The following MMS19 variants were observed in gnomAD, a reference collection of about 807,000 sequenced individuals.
The protein encoded by MMS19 is MMS19 nucleotide excision repair protein homolog.
MMS19 carries 77 observed loss-of-function variants against 129.8 expected under a neutral mutation model. That is an observed-to-expected ratio of 0.59 (90% CI 0.49 to 0.72). MMS19 has a LOEUF of 0.72. Among genes scored for constraint, MMS19 ranks in the 30% least tolerant of loss-of-function variants. The probability of loss-of-function intolerance (pLI) is 0.00; values close to 1 mark genes in which losing one functional copy is unlikely to be tolerated. For missense variants in MMS19, 1,168 were observed against 1,266.3 expected, an observed-to-expected ratio of 0.92 and a Z score of 1.18; for synonymous variants, 491 against 502.8, an observed-to-expected ratio of 0.98 and a Z score of 0.31.
chr10:97,473,000 G>C (rs1277337090), intron 8 of MMS19, among the ~76,000 whole-genome samples: 1 of 151,988 alleles, frequency 6.6e-6, no homozygotes, highest in East Asian at 1.9e-4. Flanking sequence ...TGGGACTGCA[G>C]ACATGTGCAA....
intron 8 of MMS19, among the ~76,000 whole-genome samples, chr10:97,475,333 A>C (rs1294731636): frequency 6.6e-6 from 1 of 152,186 alleles, no homozygotes; most frequent in African/African-American, 2.4e-5. Context: ...CATAACTGAT[A>C]ACTTGGTTGA....
At chr10:97,459,807 C>A in intron 26 of MMS19, 66 bp from the exon 27 acceptor site, 1 of 1,317,436 alleles carries the variant, frequency 7.6e-7, no homozygotes, top group Non-Finnish European at 1.1e-6. Flanking sequence ...AAATCAATTC[C>A]AATCTGTGGT....
chr10:97,458,350 G>A lies in MMS19; in HGVS notation c.*342C>T, dbSNP rs2030428979. 2.1e-5 allele frequency: 5 copies of A among 237,148 alleles called. No homozygotes were observed. Among genetic ancestry groups the A allele is most frequent in the Non-Finnish European group, 4.0e-5 (5 of 123,722 alleles). 14.7% of individuals were successfully genotyped at this position (237,148 alleles called of 1,614,324 possible). A position where few individuals can be genotyped will look rare whatever the true frequency, so the allele number is the denominator to read the frequency against. On this transcript the variant is annotated 3_prime_UTR_variant, in exon 31 of 31. Transcript: ENST00000438925. Reference sequence around the variant, plus strand: ...TACCAAAAGAAATCTTTATTCTTCAGCAGGTAGACAACATCTGCCAGCCCT... The same window carrying A: ...TACCAAAAGAAATCTTTATTCTTCAACAGGTAGACAACATCTGCCAGCCCT...
At chr10:97,459,589 C>T in intron 27 of MMS19, 63 bp from the exon 28 acceptor site, 1 of 1,600,696 alleles carries the variant, frequency 6.2e-7, no homozygotes. Flanking sequence ...CTTGTTCCCT[C>T]CCCTTTCTAG....
intron 2 of MMS19, 102 bp downstream of exon 2, chr10:97,484,001 C>T: frequency 1.3e-6 from 1 of 741,446 alleles, no homozygotes; most frequent in East Asian, 2.7e-5. Flanking sequence ...TGCTGGGCTA[C>T]AAGACAAATT....
intron 1 of MMS19, among the ~76,000 whole-genome samples, chr10:97,496,407 G>C (rs942174535): frequency 6.6e-6 from 1 of 151,478 alleles, no homozygotes; most frequent in Non-Finnish European, 1.5e-5. Context: ...CAGCTACTTC[G>C]GGAGGCTTGA....
intron 16 of MMS19, among the ~76,000 whole-genome samples, 162 bp downstream of exon 16, chr10:97,466,342 A>C (rs887005223): frequency 1.9e-4 from 29 of 152,228 alleles, no homozygotes; most frequent in African/African-American, 6.5e-4. Context: ...GAGCAGTCCT[A>C]CATCTCTCCA....
At position 97,459,542 on chromosome 10, in the gene MMS19, C is replaced by G. The variant is rs1044307012; in HGVS notation, c.2740-16G>C. On this transcript the variant is annotated splice_polypyrimidine_tract_variant and intron_variant, in intron 27 of 30. Coordinates refer to ENST00000438925, the MANE Select transcript of MMS19 (RefSeq NM_022362.5). ...AGGAAAGAAGCTAAGGGGCAATGGG[C>G]AAGGTAGGGGATGGCCACATCATGA... is the stretch of plus-strand genomic sequence containing the variant. 1 of 1,610,350 alleles carries G rather than the reference C, an allele frequency of 6.2e-7. No individual in the cohort carries two copies. The highest frequency in any genetic ancestry group is 8.5e-7 in the Non-Finnish European group (1 of 1,177,364).
In MMS19 at chr10:97,458,599, G is replaced by GA; in HGVS notation, c.*92dup. The stretch of plus-strand genomic sequence containing the variant: ...GCTGTGTCTGTGGGAAAGGCAGTCA[G>GA]AGACCAGTGGTTTCCCTGCTTTGGG... On this transcript the variant is annotated 3_prime_UTR_variant, in exon 31 of 31. Transcript: ENST00000438925. 1 of 1,318,070 alleles carries GA rather than the reference G, an allele frequency of 7.6e-7. No homozygotes were observed. Among genetic ancestry groups the GA allele is most frequent in the Non-Finnish European group, 1.0e-6 (1 of 957,838 alleles). 81.6% of individuals were successfully genotyped at this position (1,318,070 alleles called of 1,614,324 possible). A position where few individuals can be genotyped will look rare whatever the true frequency, so the allele number is the denominator to read the frequency against.
At position 97,489,141 on chromosome 10, in the gene MMS19, T is replaced by G. The variant is rs1322956341; in HGVS notation, c.113-4990A>C. 2.0e-5 allele frequency among the ~76,000 whole-genome samples: 3 copies of G among 152,124 alleles called. No individual in the cohort carries two copies. The East Asian group carries it at 5.8e-4, about 29-fold the overall frequency. On this transcript the variant is annotated intron_variant, in intron 1 of 30. Coordinates refer to ENST00000438925, the MANE Select transcript of MMS19 (RefSeq NM_022362.5). Reference sequence around the variant, plus strand: ...CAGACATGAGCCAACACACCGGGCCTGTAGCTACTTTTAAAAAGACAAATG... The same window carrying G: ...CAGACATGAGCCAACACACCGGGCCGGTAGCTACTTTTAAAAAGACAAATG...
rs568198289 is a variant in MMS19, at chr10:97,472,614, T to G, written c.685-1753A>C. On this transcript the variant is annotated intron_variant, in intron 8 of 30. Transcript: ENST00000438925. ...AATTTCCATTTTTTTTTTGTTTTTG[T>G]TTTTGGTTTTTTGGTGACTGAGTCT... 3.9e-5 allele frequency among the ~76,000 whole-genome samples: 6 copies of G among 151,922 alleles called. No individual in the cohort carries two copies. In the East Asian group the frequency reaches 5.8e-4, roughly 15 times the overall value.
chr10:97,461,001 T>C lies in MMS19; in HGVS notation c.2318A>G (p.Gln773Arg). The C allele has an allele frequency of 6.4e-7, 1 of 1,557,700 alleles. No individual in the cohort carries two copies. Among genetic ancestry groups the C allele is most frequent in the East Asian group, 2.4e-5 (1 of 41,592 alleles). ...GLLNKHPAGQ[Q>R]LDEFLQLAVD... ...AGCTAGCTGTAGGAATTCATCCAGC[T>C]GCTGCCCTAAAAAGGAGAGAGGAAA... The change falls in exon 24 of 31, where the codon CAG becomes CGG. Residue 773 changes from glutamine to arginine, a missense_variant. By Grantham distance (43) the Gln-to-Arg change is conservative. Coordinates refer to ENST00000438925, the MANE Select transcript of MMS19 (RefSeq NM_022362.5).
intron 1 of MMS19, among the ~76,000 whole-genome samples, chr10:97,493,402 C>T (rs2039268656): frequency 6.6e-6 from 1 of 152,072 alleles, no homozygotes. Context: ...CAAAACAAGG[C>T]CCTGTTCGCT....
At chr10:97,492,710 T>G (rs1187557833) in intron 1 of MMS19, among the ~76,000 whole-genome samples, 1 of 149,780 alleles carries the variant, frequency 6.7e-6, no homozygotes. Flanking sequence ...AATAGAAAAA[T>G]TAGCTGTCCA....
intron 1 of MMS19, among the ~76,000 whole-genome samples, chr10:97,486,862 C>CATAT (rs148575472): frequency 0.012 from 982 of 84,912 alleles, 37 homozygotes; most frequent in African/African-American, 0.025. Flanking sequence ...ATTAAAGTGC[C>CATAT]ATATATATAT....
intron 3 of MMS19, 90 bp downstream of exon 3, chr10:97,480,848 GCCCT>G: frequency 1.3e-6 from 1 of 794,740 alleles, no homozygotes; most frequent in Non-Finnish European, 2.2e-6. Context: ...GATACTTTAA[GCCCT>G]CCCTCCCTGC....
intron 2 of MMS19, among the ~76,000 whole-genome samples, chr10:97,483,279 C>T (rs1230959746): frequency 6.6e-6 from 1 of 152,108 alleles, no homozygotes; most frequent in Non-Finnish European, 1.5e-5. Context: ...GTCTTAAACT[C>T]CTGAGCTCAG....
intron 23 of MMS19, 134 bp downstream of exon 23, chr10:97,461,362 G>A (rs2031850876): frequency 1.8e-6 from 2 of 1,104,662 alleles, no homozygotes; most frequent in Non-Finnish European, 1.3e-6. Flanking sequence ...GGCAGTCCCA[G>A]GACAGTGCTT....
In MMS19 at chr10:97,481,167, A is replaced by G; in HGVS notation, c.162-125T>C. On this transcript the variant is annotated intron_variant, in intron 2 of 30. Coordinates refer to ENST00000438925, the MANE Select transcript of MMS19 (RefSeq NM_022362.5). Reference sequence around the variant, plus strand: ...AGCAGAGCCAAGCCCTGTTAAGAGTAAAAACAGCCCAGGAAGGTGTTCCTG... The same window carrying G: ...AGCAGAGCCAAGCCCTGTTAAGAGTGAAAACAGCCCAGGAAGGTGTTCCTG... 5 of 686,688 alleles carry G rather than the reference A, an allele frequency of 7.3e-6. No homozygotes were observed. In the East Asian group the frequency reaches 1.4e-4, roughly 19 times the overall value. 42.5% of individuals were successfully genotyped at this position (686,688 alleles called of 1,614,324 possible). A position where few individuals can be genotyped will look rare whatever the true frequency, so the allele number is the denominator to read the frequency against.
Sources: gnomAD v4.1 joint callset for allele counts (sites outside exome capture counted in the v4.1 genomes callset) on GRCh38, gnomAD v4.1.1 for gene constraint, MANE v1.5 for transcripts, NCBI Gene and HGNC (gene_info 2026-07-23, HGNC 2026-07-21) for gene names.